Variants in PPP1R14C observed in about 807,000 individuals in gnomAD.
The protein encoded by PPP1R14C is protein phosphatase 1 regulatory subunit 14C.
PPP1R14C carries 16 observed loss-of-function variants against 20.4 expected under a neutral mutation model. That is an observed-to-expected ratio of 0.78 (90% CI 0.53 to 1.19). The LOEUF (loss-of-function observed/expected upper bound fraction) is 1.19. PPP1R14C is among the 50% of genes most tolerant of loss of function. The probability of loss-of-function intolerance (pLI) is 0.00; values close to 1 mark genes in which losing one functional copy is unlikely to be tolerated. For synonymous variants in PPP1R14C, 91 were observed against 91.0 expected (o/e 1.00, Z 0.00); for missense variants, 211 against 220.1 (o/e 0.96, Z 0.26).
chr6:150,184,186 T>C (rs1777652099), intron 1 of PPP1R14C, among the ~76,000 whole-genome samples: 1 of 152,184 alleles, frequency 6.6e-6, no homozygotes, highest in Admixed American at 6.5e-5. Flanking sequence ...GTATCCCAGG[T>C]AGGATGTGAT....
At chr6:150,152,943 G>A (rs1777267047) in intron 1 of PPP1R14C, among the ~76,000 whole-genome samples, 1 of 152,230 alleles carries the variant, frequency 6.6e-6, no homozygotes, top group African/African-American at 2.4e-5. Flanking sequence ...GAGGTCGTGA[G>A]GGTGGAGGTC....
At chr6:150,182,084 A>G (rs576225906) in intron 1 of PPP1R14C, among the ~76,000 whole-genome samples, 4 of 152,254 alleles carry the variant, frequency 2.6e-5, no homozygotes, top group Non-Finnish European at 5.9e-5. Flanking sequence ...ATAAAACTTA[A>G]TCTTGTCATT....
intron 3 of PPP1R14C, among the ~76,000 whole-genome samples, chr6:150,234,712 G>A (rs997567463): frequency 1.3e-5 from 2 of 151,964 alleles, no homozygotes; most frequent in Admixed American, 6.5e-5. Flanking sequence ...AGCTGGGCAT[G>A]GTGGTGCACA....
At chr6:150,241,652 C>A (rs528925963) in intron 3 of PPP1R14C, among the ~76,000 whole-genome samples, 1 of 152,086 alleles carries the variant, frequency 6.6e-6, no homozygotes, top group African/African-American at 2.4e-5. Context: ...TTTGGGAGGC[C>A]GAGGTGGGCG....
intron 1 of PPP1R14C, among the ~76,000 whole-genome samples, chr6:150,175,260 T>G (rs1461909170): frequency 2.0e-5 from 3 of 152,252 alleles, no homozygotes; most frequent in East Asian, 1.9e-4. Flanking sequence ...AGAAGTCCAG[T>G]AACTTGCTGA....
chr6:150,247,229 A>G (rs1313755450), intron 3 of PPP1R14C, among the ~76,000 whole-genome samples: 1 of 152,202 alleles, frequency 6.6e-6, no homozygotes, highest in Non-Finnish European at 1.5e-5. Flanking sequence ...ATGGACAGCA[A>G]AGTTCCTCGG....
intron 1 of PPP1R14C, among the ~76,000 whole-genome samples, chr6:150,202,435 T>C (rs570389227): frequency 6.6e-6 from 1 of 152,334 alleles, no homozygotes; most frequent in Admixed American, 6.5e-5. Flanking sequence ...TTGCTGTTCT[T>C]AGGTTTGTCC....
intron 1 of PPP1R14C, among the ~76,000 whole-genome samples, chr6:150,145,000 T>C (rs12214732): frequency 0.095 from 14,457 of 152,186 alleles, 835 homozygotes; most frequent in Middle Eastern, 0.14. Flanking sequence ...TCATACTGTT[T>C]TTTTTTTCTC....
chr6:150,199,138 T>C (rs899566143), intron 1 of PPP1R14C, among the ~76,000 whole-genome samples: 1 of 152,178 alleles, frequency 6.6e-6, no homozygotes, highest in African/African-American at 2.4e-5. Context: ...CACTCAGATA[T>C]GACGGGTCAG....
rs1777878781 is a variant in PPP1R14C, at chr6:150,201,596, C to A, written c.307-13148C>A. Among the ~76,000 whole-genome samples, 1 of 152,074 alleles carries A rather than the reference C, an allele frequency of 6.6e-6. No homozygotes were observed. The highest frequency in any genetic ancestry group is 1.5e-5 in the Non-Finnish European group (1 of 68,012). ...TCCAGGCAGAGGTAAGACTGTTGGTCCTAAGACTGGTAGGAAGCCACCCGT... is the reference window on the plus strand; with the variant it reads ...TCCAGGCAGAGGTAAGACTGTTGGTACTAAGACTGGTAGGAAGCCACCCGT... On this transcript the variant is annotated intron_variant, in intron 1 of 3. Coordinates refer to ENST00000361131, the MANE Select transcript of PPP1R14C (RefSeq NM_030949.3). The surrounding 1 kb of genome is among the most constrained non-coding windows in gnomAD (Gnocchi z 4.2).
chr6:150,147,525 T>A (rs867389085), intron 1 of PPP1R14C, among the ~76,000 whole-genome samples: 1 of 152,238 alleles, frequency 6.6e-6, no homozygotes, highest in South Asian at 2.1e-4. Context: ...TAATATCTAC[T>A]TTAACAAGTA....
intron 1 of PPP1R14C, among the ~76,000 whole-genome samples, chr6:150,171,065 A>G (rs1488407629): frequency 6.6e-6 from 1 of 152,098 alleles, no homozygotes; most frequent in Non-Finnish European, 1.5e-5. Context: ...TTGGAGCGGT[A>G]CATTGGTCAC....
At chr6:150,205,105 C>T (rs537834799) in intron 1 of PPP1R14C, among the ~76,000 whole-genome samples, 5 of 151,660 alleles carry the variant, frequency 3.3e-5, no homozygotes, top group East Asian at 2.0e-4. Context: ...TTTGGGGGCA[C>T]GAACTAAGCC....
chr6:150,150,721 C>T (rs1777236138), intron 1 of PPP1R14C, among the ~76,000 whole-genome samples: 1 of 152,160 alleles, frequency 6.6e-6, no homozygotes, highest in African/African-American at 2.4e-5. Flanking sequence ...TCTGCCCTCC[C>T]AGTCTCCTCC....
intron 3 of PPP1R14C, among the ~76,000 whole-genome samples, chr6:150,229,790 C>A (rs1778272370): frequency 6.6e-6 from 1 of 152,160 alleles, no homozygotes; most frequent in Non-Finnish European, 1.5e-5. Context: ...GATCCATAAG[C>A]CTCCTTTCAG....
chr6:150,219,247 G>T (rs1778137543), intron 3 of PPP1R14C, among the ~76,000 whole-genome samples: 1 of 149,692 alleles, frequency 6.7e-6, no homozygotes, highest in Non-Finnish European at 1.5e-5. Flanking sequence ...TTATTATTTT[G>T]AGACAGGGTC....
chr6:150,216,480 G>A (rs932187155), intron 2 of PPP1R14C, among the ~76,000 whole-genome samples: 1 of 152,000 alleles, frequency 6.6e-6, no homozygotes, highest in Admixed American at 6.6e-5. Flanking sequence ...GGGTGACAGA[G>A]CGAGATTCTG....
chr6:150,214,462 A>T, intron 1 of PPP1R14C, among the ~76,000 whole-genome samples: 1 of 138,814 alleles, frequency 7.2e-6, no homozygotes, highest in African/African-American at 2.7e-5. Flanking sequence ...CTTTTCCCCT[A>T]CTCTCCTTTT....
chr6:150,241,741 G>T lies in PPP1R14C; in HGVS notation c.424-7005G>T, dbSNP rs188704734. On this transcript the variant is annotated intron_variant, in intron 3 of 3. Coordinates refer to ENST00000361131, the MANE Select transcript of PPP1R14C (RefSeq NM_030949.3). ...ATCTCTACTAAAAATACAAAAATTA[G>T]CTGGGCATGGTGGCACATGCTTGTA... Among the ~76,000 whole-genome samples the T allele has an allele frequency of 9.9e-4, 151 of 152,262 alleles. 2 individuals are homozygous for T. Among genetic ancestry groups the T allele is most frequent in the African/African-American group, 3.4e-3 (143 of 41,558 alleles).
Sources: allele counts gnomAD v4.1 joint callset (sites outside exome capture counted in the v4.1 genomes callset), GRCh38; gene constraint gnomAD v4.1.1; non-coding constraint Gnocchi (gnomAD v3.1); transcripts MANE v1.5; gene names NCBI Gene and HGNC (gene_info 2026-07-23, HGNC 2026-07-21).